Variants in GMEB1 observed in about 807,000 individuals in gnomAD.
GMEB1 encodes the protein glucocorticoid modulatory element-binding protein 1.
In GMEB1, 6 loss-of-function variants were observed where a neutral mutation model predicts 52.4. The ratio of observed to expected loss-of-function variants is 0.11; its 90% confidence interval spans 0.06 to 0.23. The LOEUF (loss-of-function observed/expected upper bound fraction) is 0.23. GMEB1 is among the 10% of genes least tolerant of loss of function. GMEB1 has a pLI of 1.00. For missense variants in GMEB1, 486 were observed against 685.6 expected (o/e 0.71, Z 3.25); for synonymous variants, 255 against 244.9 (o/e 1.04, Z -0.38).
In GMEB1 at chr1:28,719,225, G is replaced by C. The variant is rs1162970572; in HGVS notation, c.*4452G>C. 1 of 152,192 alleles carries C rather than the reference G, an allele frequency of 6.6e-6. No homozygotes were observed. The highest frequency in any genetic ancestry group is 2.4e-5 in the African/African-American group (1 of 41,402). 9.4% of individuals were successfully genotyped at this position (152,192 alleles called of 1,614,324 possible). A position where few individuals can be genotyped will look rare whatever the true frequency, so the allele number is the denominator to read the frequency against. On this transcript the variant is annotated 3_prime_UTR_variant, in exon 10 of 10. Coordinates refer to ENST00000373816, the MANE Select transcript of GMEB1 (RefSeq NM_001319674.2). The stretch of plus-strand genomic sequence containing the variant: ...TCAGCTGTACAACTGTCTTGTCTTG[G>C]CCATGTCCCTGTTTGGTCCCTGCCT...
intron 4 of GMEB1, among the ~76,000 whole-genome samples, chr1:28,692,231 A>G (rs888242263): frequency 6.6e-6 from 1 of 150,848 alleles, no homozygotes; most frequent in African/African-American, 2.4e-5. Context: ...AAAACCTTGC[A>G]TCTTCAAAAA....
intron 2 of GMEB1, among the ~76,000 whole-genome samples, chr1:28,689,006 C>G (rs1669827814): frequency 6.6e-6 from 1 of 151,386 alleles, no homozygotes; most frequent in South Asian, 2.1e-4. Flanking sequence ...ATTCTCCTGC[C>G]TCAGCCTCCT....
intron 1 of GMEB1, among the ~76,000 whole-genome samples, chr1:28,669,891 T>G (rs2124432109): frequency 6.6e-6 from 1 of 151,920 alleles, no homozygotes; most frequent in East Asian, 1.9e-4. Flanking sequence ...AACCCGAGGG[T>G]CTTTGGAGGA....
At position 28,687,332 on chromosome 1, in the gene GMEB1, TCTCA is replaced by T. The variant is rs1287098041; in HGVS notation, c.129-2770_129-2767del. On this transcript the variant is annotated intron_variant, in intron 2 of 9. Transcript: ENST00000373816. ...GCCTGGGCAACAGAATGAGACCCTATCTCACACACACACACACACACACACACAC... is the reference window on the plus strand; with the variant it reads ...GCCTGGGCAACAGAATGAGACCCTATCACACACACACACACACACACACAC... Among the ~76,000 whole-genome samples the T allele has an allele frequency of 6.7e-3, 644 of 95,696 alleles. 13 individuals are homozygous for T. Among genetic ancestry groups the T allele is most frequent in the Middle Eastern group, 0.016 (2 of 122 alleles). The allele number at this position is 95,696 out of a possible 152,430, so 62.8% of individuals were successfully genotyped here.
Position 28,718,099 on chromosome 1 carries a change from A to G in GMEB1, c.*3326A>G, listed in dbSNP as rs1671318299. ...TAGATGATCCTAGATGGGGTGAGAC[A>G]TATGCAAGCCATTGGTATGTGCATA... On this transcript the variant is annotated 3_prime_UTR_variant, in exon 10 of 10. Transcript: ENST00000373816. 6.6e-6 allele frequency: 1 copy of G among 152,210 alleles called. No individual in the cohort carries two copies. The highest frequency in any genetic ancestry group is 6.5e-5 in the Admixed American group (1 of 15,270). 9.4% of individuals were successfully genotyped at this position (152,210 alleles called of 1,614,324 possible).
At chr1:28,708,985 T>A (rs1261436233) in intron 8 of GMEB1, among the ~76,000 whole-genome samples, 2 of 151,742 alleles carry the variant, frequency 1.3e-5, no homozygotes, top group African/African-American at 4.8e-5. Flanking sequence ...GCAAAAAAAA[T>A]TAGCCTGGCA....
In GMEB1 at chr1:28,719,238, T is replaced by G. The variant is rs113278909; in HGVS notation, c.*4465T>G. The G allele has an allele frequency of 1.8e-3, 281 of 152,408 alleles. 1 individual carries two copies. The highest frequency in any genetic ancestry group is 2.8e-3 in the Non-Finnish European group (189 of 68,038). The allele number at this position is 152,408 out of a possible 1,614,324, so 9.4% of individuals were successfully genotyped here. A position where few individuals can be genotyped will look rare whatever the true frequency, so the allele number is the denominator to read the frequency against. On this transcript the variant is annotated 3_prime_UTR_variant, in exon 10 of 10. Transcript: ENST00000373816. ...TGTCTTGTCTTGGCCATGTCCCTGT[T>G]TGGTCCCTGCCTTGTTCTCTTCCCT...
chr1:28,707,062 A>G (rs969749840), intron 8 of GMEB1, among the ~76,000 whole-genome samples: 3 of 138,556 alleles, frequency 2.2e-5, no homozygotes, highest in South Asian at 4.6e-4. Context: ...GGCTCACTGC[A>G]AGCTCCACCT....
intron 1 of GMEB1, among the ~76,000 whole-genome samples, chr1:28,674,721 T>A (rs1280425339): frequency 7.7e-6 from 1 of 129,174 alleles, no homozygotes; most frequent in African/African-American, 3.0e-5. Flanking sequence ...TTTTTTTTTT[T>A]TTTTTTTTTT....
At position 28,687,374 on chromosome 1, in the gene GMEB1, AC is replaced by A. The variant is rs1557504203; in HGVS notation, c.129-2729del. 3.2e-3 allele frequency among the ~76,000 whole-genome samples: 377 copies of A among 118,128 alleles called. 34 individuals are homozygous for A. Among genetic ancestry groups the A allele is most frequent in the Middle Eastern group, 4.0e-3 (1 of 252 alleles). 77.5% of individuals were successfully genotyped at this position (118,128 alleles called of 152,430 possible). A position where few individuals can be genotyped will look rare whatever the true frequency, so the allele number is the denominator to read the frequency against. On this transcript the variant is annotated intron_variant, in intron 2 of 9. Coordinates refer to ENST00000373816, the MANE Select transcript of GMEB1 (RefSeq NM_001319674.2). Reference sequence around the variant, plus strand: ...CACACACACACACACACACACACACACACACACACACACAAAAAAAGACAGT... The same window carrying A: ...CACACACACACACACACACACACACAACACACACACACAAAAAAAGACAGT...
chr1:28,712,288 A>G (rs1671090684), intron 9 of GMEB1, among the ~76,000 whole-genome samples: 1 of 152,204 alleles, frequency 6.6e-6, no homozygotes, highest in South Asian at 2.1e-4. Context: ...GGAACCTCCA[A>G]CAATCTGAAG....
rs1200585942 is a variant in GMEB1, at chr1:28,715,359, GA to G, written c.*587del. Reference sequence around the variant, plus strand: ...CACGCCTGCAATCCCAGCACTTTGGGAGGCCGAGGCGGGTGGATCACGAGGT... The same window carrying G: ...CACGCCTGCAATCCCAGCACTTTGGGGGCCGAGGCGGGTGGATCACGAGGT... On this transcript the variant is annotated 3_prime_UTR_variant, in exon 10 of 10. Coordinates refer to ENST00000373816, the MANE Select transcript of GMEB1 (RefSeq NM_001319674.2). 1 of 152,786 alleles carries G rather than the reference GA, an allele frequency of 6.5e-6. No homozygotes were observed. The highest frequency in any genetic ancestry group is 1.5e-5 in the Non-Finnish European group (1 of 68,524). The allele number at this position is 152,786 out of a possible 1,614,324, so 9.5% of individuals were successfully genotyped here. A position where few individuals can be genotyped will look rare whatever the true frequency, so the allele number is the denominator to read the frequency against.
Position 28,690,183 on chromosome 1 carries a change from A to C in GMEB1, c.208A>C (p.Ile70Leu). The C allele has an allele frequency of 2.3e-6, 2 of 885,628 alleles. No homozygotes were observed. The highest frequency in any genetic ancestry group is 3.5e-6 in the Non-Finnish European group (2 of 565,572). 54.9% of individuals were successfully genotyped at this position (885,628 alleles called of 1,614,324 possible). A position where few individuals can be genotyped will look rare whatever the true frequency, so the allele number is the denominator to read the frequency against. Residue 70 changes from isoleucine (I) to leucine (L), a missense_variant, in exon 3 of 10, where the codon ATT becomes CTT. Physicochemically the swap from Ile to Leu is conservative, Grantham distance 5. Transcript: ENST00000373816. ...THTIHKIEEG[I>L]DTGTIEANED... Reference sequence around the variant, plus strand: ...CACGATACACAAAATTGAAGAAGGGATTGGTAAGGGTTTTTTTGTGTTTTT... The same window carrying C: ...CACGATACACAAAATTGAAGAAGGGCTTGGTAAGGGTTTTTTTGTGTTTTT...
chr1:28,692,893 C>G lies in GMEB1; in HGVS notation c.337-49C>G, dbSNP rs768304885. ...ATCATTTCATTATTTCCCCTCTTGGCCTGCCTAAGTTGACATTAGACTCTT... is the reference window on the plus strand; with the variant it reads ...ATCATTTCATTATTTCCCCTCTTGGGCTGCCTAAGTTGACATTAGACTCTT... On this transcript the variant is annotated intron_variant, in intron 4 of 9. Transcript: ENST00000373816. 4.3e-6 allele frequency: 4 copies of G among 940,286 alleles called. No homozygotes were observed. The East Asian group carries it at 1.0e-4, about 24-fold the overall frequency. The allele number at this position is 940,286 out of a possible 1,614,324, so 58.2% of individuals were successfully genotyped here. A position where few individuals can be genotyped will look rare whatever the true frequency, so the allele number is the denominator to read the frequency against.
intron 8 of GMEB1, among the ~76,000 whole-genome samples, chr1:28,707,508 C>T (rs766188995): frequency 6.6e-6 from 1 of 151,910 alleles, no homozygotes; most frequent in Non-Finnish European, 1.5e-5. Flanking sequence ...TTTTGAATGT[C>T]GAACTACTAA....
At chr1:28,674,282 T>C (rs1186622454) in intron 1 of GMEB1, among the ~76,000 whole-genome samples, 35 of 152,000 alleles carry the variant, frequency 2.3e-4, no homozygotes, top group Admixed American at 2.3e-3. Flanking sequence ...GGGGCTGCAG[T>C]GAGCCAAAAA....
chr1:28,673,620 C>A (rs899609509), intron 1 of GMEB1, among the ~76,000 whole-genome samples: 2 of 152,148 alleles, frequency 1.3e-5, no homozygotes, highest in Non-Finnish European at 2.9e-5. Context: ...TCAGGACACA[C>A]AAAAATGAAT....
chr1:28,677,751 T>C (rs972316762), intron 1 of GMEB1, among the ~76,000 whole-genome samples: 9 of 152,188 alleles, frequency 5.9e-5, no homozygotes, highest in African/African-American at 1.9e-4. Flanking sequence ...ACATTCCTTT[T>C]TGGCCTTTTC....
intron 8 of GMEB1, among the ~76,000 whole-genome samples, chr1:28,707,476 A>C (rs1169853884): frequency 6.6e-6 from 1 of 152,066 alleles, no homozygotes; most frequent in Non-Finnish European, 1.5e-5. Context: ...AGTTAGGAAG[A>C]AGTGATTAGA....
Sources: gnomAD v4.1 joint callset for allele counts (sites outside exome capture counted in the v4.1 genomes callset) on GRCh38, gnomAD v4.1.1 for gene constraint, MANE v1.5 for transcripts, NCBI Gene and HGNC (gene_info 2026-07-23, HGNC 2026-07-21) for gene names.